Variants in TRIM16 observed in about 807,000 individuals in gnomAD.
TRIM16 encodes tripartite motif-containing protein 16.
A neutral mutation model predicts 50.4 loss-of-function variants in TRIM16; 33 were observed. That is an observed-to-expected ratio of 0.65 (90% CI 0.50 to 0.88). The LOEUF is 0.88. Among genes scored for constraint, TRIM16 ranks in the 40% least tolerant of loss-of-function variants. The pLI is 0.00. For missense variants in TRIM16, 581 were observed against 686.8 expected, an observed-to-expected ratio of 0.85 and a Z score of 1.72; for synonymous variants, 229 against 270.7, an observed-to-expected ratio of 0.85 and a Z score of 1.51.
At chr17:15,654,208 G>T (rs1283463025) in intron 6 of TRIM16, 1 of 152,176 alleles carries the variant, frequency 6.6e-6, no homozygotes, top group East Asian at 1.9e-4. Context: ...GAGTTAGAAG[G>T]CACCGAAGAC....
intron 6 of TRIM16, among the ~76,000 whole-genome samples, chr17:15,661,082 G>A (rs1468220855): frequency 6.6e-6 from 1 of 152,104 alleles, no homozygotes; most frequent in African/African-American, 2.4e-5. Context: ...TCTGGAGTTA[G>A]AAGTGTCAAG....
intron 7 of TRIM16, among the ~76,000 whole-genome samples, chr17:15,644,759 C>T (rs988580386): frequency 1.3e-5 from 2 of 152,006 alleles, no homozygotes; most frequent in Non-Finnish European, 2.9e-5. Context: ...TAAGAGCTGT[C>T]GGGTGCCAGG....
intron 5 of TRIM16, 133 bp downstream of exon 5, chr17:15,677,442 G>T (rs1002666894): frequency 4.1e-5 from 38 of 928,692 alleles, no homozygotes; most frequent in Non-Finnish European, 4.6e-5. Context: ...ACAGTTTAAG[G>T]ATCTGATCTG....
chr17:15,658,354 T>G (rs7213245), intron 6 of TRIM16, among the ~76,000 whole-genome samples: 3,465 of 152,192 alleles, frequency 0.023, 95 homozygotes, highest in African/African-American at 0.065. Flanking sequence ...TATCCAAGCG[T>G]TTTTGCTAAG....
At chr17:15,633,306 A>T (rs1012584232) in intron 9 of TRIM16, among the ~76,000 whole-genome samples, 8 of 150,990 alleles carry the variant, frequency 5.3e-5, no homozygotes, top group African/African-American at 2.0e-4. Context: ...ATAGCAATGA[A>T]AACAGTTGTA....
chr17:15,632,838 A>G, intron 9 of TRIM16, 164 bp from the exon 10 acceptor site: 3 of 928,672 alleles, frequency 3.2e-6, no homozygotes, highest in African/African-American at 3.3e-5. Context: ...CTAACAAAAT[A>G]GAAAGCACTT....
intron 7 of TRIM16, 68 bp downstream of exon 7, chr17:15,651,023 G>A: frequency 1.3e-6 from 2 of 1,547,374 alleles, no homozygotes; most frequent in South Asian, 2.5e-5. Flanking sequence ...CCTAGCAGCT[G>A]CAGCCAGCTG....
rs1989239740 is a variant in TRIM16 at position 15,682,887 on chromosome 17, A to T, written c.-712T>A. ...AGGTGCTTTCCATAAATCAGTATTC[A>T]CAGATGAGGAAACTGTTAACTTGCC... On this transcript the variant is annotated 5_prime_UTR_variant, in exon 3 of 12. Coordinates refer to ENST00000649191, the MANE Select transcript of TRIM16 (RefSeq NM_001348119.1). 8 of 1,470,884 alleles carry T rather than the reference A, an allele frequency of 5.4e-6. No homozygotes were observed. The highest frequency in any genetic ancestry group is 7.2e-6 in the Non-Finnish European group (8 of 1,113,680). 91.1% of individuals were successfully genotyped at this position (1,470,884 alleles called of 1,614,324 possible).
At position 15,683,050 on chromosome 17, in the gene TRIM16, T is replaced by C; in HGVS notation, c.-791A>G. On this transcript the variant is annotated 5_prime_UTR_variant, in exon 2 of 12. Transcript: ENST00000649191. ...CTATTTCTTACCTCTGTTCTGGAGT[T>C]TGCAGGTCCAATCCTCCATAATCAT... 6.4e-7 allele frequency: 1 copy of C among 1,550,600 alleles called. No homozygotes were observed. Among genetic ancestry groups the C allele is most frequent in the Admixed American group, 2.0e-5 (1 of 51,012 alleles).
intron 3 of TRIM16, 78 bp from the exon 4 acceptor site, chr17:15,681,031 T>C (rs1989162630): frequency 2.2e-5 from 28 of 1,260,772 alleles, no homozygotes; most frequent in Non-Finnish European, 3.0e-5. Context: ...CAGCCACTTA[T>C]GAGAAAATGT....
chr17:15,641,549 C>A lies in TRIM16; in HGVS notation c.615+1172G>T, dbSNP rs1301305078. Among the ~76,000 whole-genome samples, 2 of 148,882 alleles carry A rather than the reference C, an allele frequency of 1.3e-5. 1 individual carries two copies. Among genetic ancestry groups the A allele is most frequent in the East Asian group, 4.1e-4 (2 of 4,930 alleles). ...AATTAAAGAGCTGGGAAACACAAGA[C>A]CCTCCATGTGGTTCTACAGGTTATC... On this transcript the variant is annotated intron_variant, in intron 8 of 11. Transcript: ENST00000649191.
chr17:15,637,443 G>C (rs1243315638), intron 8 of TRIM16, among the ~76,000 whole-genome samples: 4 of 117,882 alleles, frequency 3.4e-5, no homozygotes, highest in Admixed American at 7.5e-5. Context: ...TGGGAGGTGA[G>C]GGGCGCCTCT....
At position 15,677,708 on chromosome 17, in the gene TRIM16, A is replaced by G; in HGVS notation, c.-576T>C. On this transcript the variant is annotated 5_prime_UTR_variant, in exon 5 of 12. Coordinates refer to ENST00000649191, the MANE Select transcript of TRIM16 (RefSeq NM_001348119.1). ...CTTGAATGACATAAAGCCCTGAAAC[A>G]CCTGCATGGGGTTCTGAAGAAAAAG... The G allele has an allele frequency of 1.0e-6, 1 of 999,164 alleles. No homozygotes were observed. Among genetic ancestry groups the G allele is most frequent in the Non-Finnish European group, 1.2e-6 (1 of 836,398 alleles). 61.9% of individuals were successfully genotyped at this position (999,164 alleles called of 1,614,324 possible). A position where few individuals can be genotyped will look rare whatever the true frequency, so the allele number is the denominator to read the frequency against.
chr17:15,638,291 A>C (rs116219159), intron 8 of TRIM16, among the ~76,000 whole-genome samples: 1 of 145,000 alleles, frequency 6.9e-6, no homozygotes, highest in South Asian at 2.2e-4. Context: ...TGGTGTAGAC[A>C]GCCGGGTGCG....
Position 15,636,236 on chromosome 17 carries a change from T to C in TRIM16, c.649A>G (p.Met217Val), listed in dbSNP as rs1986732307. The change falls in exon 9 of 12, where the codon ATG becomes GTG. Residue 217 changes from methionine to valine, a missense_variant. Physicochemically the swap from Met to Val is conservative, Grantham distance 21 (BLOSUM62 1). Transcript: ENST00000649191. The stretch of plus-strand genomic sequence containing the variant: ...GCAGCAAGGAGTTCCCCAAACTGCA[T>C]TTCAGCCACCGCTTTGACCTCTGAC... ...SVSEVKAVAE[M>V]QFGELLAAVR... The C allele has an allele frequency of 1.2e-6, 2 of 1,608,454 alleles. No individual in the cohort carries two copies. Among genetic ancestry groups the C allele is most frequent in the African/African-American group, 1.4e-5 (1 of 73,652 alleles).
chr17:15,651,142 C>G lies in TRIM16; in HGVS notation c.468G>C (p.Glu156Asp), dbSNP rs61741220. The G allele has an allele frequency of 1.9e-6, 3 of 1,614,102 alleles. No homozygotes were observed. Among genetic ancestry groups the G allele is most frequent in the Non-Finnish European group, 2.5e-6 (3 of 1,180,002 alleles). Residue 156 changes from glutamate (E) to aspartate (D), a missense_variant, in exon 7 of 12, where the codon GAG becomes GAC. Physicochemically the swap from Glu to Asp is conservative, Grantham distance 45. This residue lies in a region of TRIM16 where 450 missense variants were observed against 544.3 expected (regional missense o/e 0.83). Transcript: ENST00000649191. ...QQCICQDCCQ[E>D]HSGHTIVSLD... is the part of the protein sequence containing the mutation. Reference sequence around the variant, plus strand: ...GGGAGACTATGGTGTGGCCACTGTGCTCCTGGCAACAGTCCTGGCAGATGC... The same window carrying G: ...GGGAGACTATGGTGTGGCCACTGTGGTCCTGGCAACAGTCCTGGCAGATGC...
rs1987725302 is a variant in TRIM16, at chr17:15,651,835, GC to G, written c.-227del. On this transcript the variant is annotated 5_prime_UTR_variant, in exon 7 of 12. It introduces an in-frame stop codon into an upstream open reading frame of the 5' UTR. Transcript: ENST00000649191. ...AGCTAGAGTACTCAGGCTCAGGACA[GC>G]CGGCTCAGGCTCAGGCTGCCTCCCC... The G allele has an allele frequency of 2.1e-6, 3 of 1,430,056 alleles. No homozygotes were observed. In the East Asian group the frequency reaches 7.7e-5, roughly 36 times the overall value. 88.6% of individuals were successfully genotyped at this position (1,430,056 alleles called of 1,614,324 possible).
rs571770204 is a variant in TRIM16, at chr17:15,646,441, A to C, written c.520-3625T>G. On this transcript the variant is annotated intron_variant, in intron 7 of 11. Transcript: ENST00000649191. ...AAGTTCTGGAAGGCAGGGCACACAGAGCTCTGCCTGCTTCAGCAAGACAAT... is the reference window on the plus strand; with the variant it reads ...AAGTTCTGGAAGGCAGGGCACACAGCGCTCTGCCTGCTTCAGCAAGACAAT... 3.6e-3 allele frequency among the ~76,000 whole-genome samples: 498 copies of C among 138,974 alleles called. 1 individual carries two copies. The highest frequency in any genetic ancestry group is 0.014 in the African/African-American group (468 of 33,738). 91.2% of individuals were successfully genotyped at this position (138,974 alleles called of 152,430 possible).
intron 8 of TRIM16, 102 bp from the exon 9 acceptor site, chr17:15,636,371 T>C: frequency 1.6e-6 from 2 of 1,253,056 alleles, no homozygotes; most frequent in Non-Finnish European, 2.3e-6. Flanking sequence ...GAAACACATA[T>C]ATTAGGGAGC....
Sources: allele counts gnomAD v4.1 joint callset (sites outside exome capture counted in the v4.1 genomes callset), GRCh38; gene constraint gnomAD v4.1.1; regional missense constraint gnomAD v4.1.1; transcripts MANE v1.5; gene names NCBI Gene and HGNC (gene_info 2026-07-23, HGNC 2026-07-21).